Variants in DIP2C observed in about 807,000 individuals in gnomAD.
DIP2C encodes DIP2 acetate--CoA ligase C (putative), also known as disco-interacting protein 2 homolog C.
In DIP2C, 33 loss-of-function variants were observed where a neutral mutation model predicts 192.4. That is an observed-to-expected ratio of 0.17 (90% CI 0.13 to 0.23). The LOEUF is 0.23. DIP2C is among the 10% of genes least tolerant of loss of function. The probability of loss-of-function intolerance (pLI) is 1.00; values close to 1 mark genes in which losing one functional copy is unlikely to be tolerated. For synonymous variants in DIP2C, 979 were observed against 864.1 expected, an observed-to-expected ratio of 1.13 and a Z score of -2.33; for missense variants, 1,537 against 2,110.1, an observed-to-expected ratio of 0.73 and a Z score of 5.32.
intron 1 of DIP2C, among the ~76,000 whole-genome samples, chr10:580,359 A>AT (rs1448776886): frequency 6.6e-6 from 1 of 152,176 alleles, no homozygotes; most frequent in East Asian, 1.9e-4. Context: ...GCATGCTTAC[A>AT]GTGTGCACAC....
intron 17 of DIP2C, among the ~76,000 whole-genome samples, chr10:371,009 C>T (rs187925353): frequency 6.6e-6 from 1 of 152,162 alleles, no homozygotes; most frequent in East Asian, 1.9e-4. Flanking sequence ...AATAAGAAAA[C>T]CCACACGGAA....
At chr10:609,454 G>A (rs1053508034) in intron 1 of DIP2C, among the ~76,000 whole-genome samples, 83 of 152,176 alleles carry the variant, frequency 5.5e-4, no homozygotes, top group African/African-American at 1.7e-3. Context: ...TATCAGGGCT[G>A]ACTAACATTC....
intron 32 of DIP2C, among the ~76,000 whole-genome samples, chr10:288,808 G>A (rs537620661): frequency 1.3e-5 from 2 of 152,366 alleles, no homozygotes; most frequent in African/African-American, 2.4e-5. Context: ...TGTCCTGCGG[G>A]TGGAAGGCAG....
chr10:670,496 GTTCT>G (rs910731244), intron 1 of DIP2C, among the ~76,000 whole-genome samples: 2 of 152,200 alleles, frequency 1.3e-5, no homozygotes, highest in African/African-American at 2.4e-5. Flanking sequence ...TGAGATGGAT[GTTCT>G]GGAATGTTCC....
chr10:473,875 T>G (rs974715844), intron 2 of DIP2C, among the ~76,000 whole-genome samples: 1 of 152,226 alleles, frequency 6.6e-6, no homozygotes, highest in Non-Finnish European at 1.5e-5. Context: ...TTCCTTACTC[T>G]GGTGGTTTCT....
intron 10 of DIP2C, 71 bp from the exon 11 acceptor site, chr10:390,934 C>T (rs1963409994): frequency 6.3e-7 from 1 of 1,581,694 alleles, no homozygotes; most frequent in African/African-American, 1.3e-5. Flanking sequence ...GGCCCTCCCT[C>T]CAGCGTTCAC....
intron 3 of DIP2C, among the ~76,000 whole-genome samples, chr10:462,823 C>G (rs1305265830): frequency 6.6e-6 from 1 of 152,156 alleles, no homozygotes; most frequent in African/African-American, 2.4e-5. Context: ...CCACCATGAT[C>G]AAATAGGCTT....
At chr10:329,400 A>C in intron 30 of DIP2C, 33 bp downstream of exon 30, 1 of 1,592,012 alleles carries the variant, frequency 6.3e-7, no homozygotes, top group Non-Finnish European at 8.6e-7. Flanking sequence ...CTGTGGGCTC[A>C]CAGGGCACTG....
Position 419,067 on chromosome 10 carries a change from T to C in DIP2C, c.737A>G (p.Asp246Gly). ...YGNAELMETG[D>G]GVPVSSRVSA... ...CGCATCTCTCCTTTGGGACGTACCA[T>C]CCCCGGTCTCCATGAGCTCGGCGTT... Residue 246 changes from aspartate to glycine, a missense_variant and splice_region_variant, in exon 6 of 37, where the codon GAT (aspartate) becomes GGT (glycine). By Grantham distance (94) the Asp-to-Gly change is moderately conservative. This residue lies in a region of DIP2C where 473 missense variants were observed against 539.6 expected (regional missense o/e 0.88). Coordinates refer to ENST00000280886, the MANE Select transcript of DIP2C (RefSeq NM_014974.3). 4 of 1,614,202 alleles carry C rather than the reference T, an allele frequency of 2.5e-6. No individual in the cohort carries two copies. Among genetic ancestry groups the C allele is most frequent in the Non-Finnish European group, 3.4e-6 (4 of 1,180,032 alleles).
rs1831473650 is a variant in DIP2C at position 689,658 on chromosome 10, A to C, written c.-80T>G. The C allele has an allele frequency of 1.0e-6, 1 of 968,768 alleles. No homozygotes were observed. The highest frequency in any genetic ancestry group is 1.8e-5 in the African/African-American group (1 of 56,180). 60.0% of individuals were successfully genotyped at this position (968,768 alleles called of 1,614,324 possible). On this transcript the variant is annotated 5_prime_UTR_variant, in exon 1 of 37. Transcript: ENST00000280886. The surrounding 1 kb of genome is among the most constrained non-coding windows in gnomAD (Gnocchi z 6.1). ...TCGGCGGCTCCTCGCGCCCGGCGGA[A>C]CCGCACCGAGGAGGAGGCGGCGGCG...
intron 1 of DIP2C, chr10:630,411 G>C (rs773361154): frequency 6.6e-6 from 1 of 152,158 alleles, no homozygotes; most frequent in Non-Finnish European, 1.5e-5. Flanking sequence ...TAATTATACA[G>C]ACTGGCAATT....
chr10:324,511 T>C (rs1223834783), intron 31 of DIP2C: 1 of 155,214 alleles, frequency 6.4e-6, no homozygotes, highest in African/African-American at 2.4e-5. Context: ...TCCAACTATT[T>C]TCCAATACTA....
At position 564,077 on chromosome 10, in the gene DIP2C, A is replaced by G. The variant is rs555712337; in HGVS notation, c.86-77547T>C. ...GAAGTGGAATCTGCTAAGATGTGTC[A>G]TAACTAATCAGGTAAAAAATATGGA... On this transcript the variant is annotated intron_variant, in intron 1 of 36. Transcript: ENST00000280886. Among the ~76,000 whole-genome samples the G allele has an allele frequency of 2.2e-3, 341 of 152,386 alleles. 1 individual carries two copies. Among genetic ancestry groups the G allele is most frequent in the Middle Eastern group, 0.01 (3 of 294 alleles).
chr10:689,565 C>T lies in DIP2C; in HGVS notation c.14G>A (p.Ser5Asn), dbSNP rs756203269. 2.7e-5 allele frequency: 33 copies of T among 1,241,476 alleles called. No homozygotes were observed. In the Admixed American group the frequency reaches 9.8e-4, roughly 37 times the overall value. The allele number at this position is 1,241,476 out of a possible 1,614,324, so 76.9% of individuals were successfully genotyped here. ...CAGGGGCAGCGCCATGCCCTCCAGGCTGCGGTCCGCCATGCTCCGCGGGCG... is the reference window on the plus strand; with the variant it reads ...CAGGGGCAGCGCCATGCCCTCCAGGTTGCGGTCCGCCATGCTCCGCGGGCG... The part of the protein sequence containing the change: MADR[S>N]LEGMALPLEV... Residue 5 changes from serine (S) to asparagine (N), a missense_variant, in exon 1 of 37, where the codon AGC becomes AAC. By Grantham distance (46) the Ser-to-Asn change is conservative. Coordinates refer to ENST00000280886, the MANE Select transcript of DIP2C (RefSeq NM_014974.3). This position sits in a 1 kb window ranked among gnomAD's most constrained non-coding sequence, Gnocchi z 6.1.
At chr10:537,175 A>G (rs1382458998) in intron 1 of DIP2C, among the ~76,000 whole-genome samples, 2 of 152,050 alleles carry the variant, frequency 1.3e-5, no homozygotes, top group Non-Finnish European at 2.9e-5. Flanking sequence ...AGGCCGTATG[A>G]AGGAGGGCGT....
rs550012671 is a variant in DIP2C, at chr10:419,931, G to A, written c.605-732C>T. Among the ~76,000 whole-genome samples the A allele has an allele frequency of 2.0e-3, 301 of 152,300 alleles. 1 individual carries two copies. The highest frequency in any genetic ancestry group is 0.01 in the Middle Eastern group (3 of 294). On this transcript the variant is annotated intron_variant, in intron 5 of 36. Transcript: ENST00000280886. Reference sequence around the variant, plus strand: ...TACGTGGCTGAATGGGGAAAAGCATGCTTTTCTATTTAATGAATAACGCAT... The same window carrying A: ...TACGTGGCTGAATGGGGAAAAGCATACTTTTCTATTTAATGAATAACGCAT...
chr10:533,815 TCCTCAACC>T (rs1323125449), intron 1 of DIP2C, among the ~76,000 whole-genome samples: 1 of 152,000 alleles, frequency 6.6e-6, no homozygotes, highest in Non-Finnish European at 1.5e-5. Flanking sequence ...CACAGATGTG[TCCTCAACC>T]CTCCTGAGGC....
chr10:369,627 C>T lies in DIP2C; in HGVS notation c.1998G>A (p.Thr666=), dbSNP rs577655017. 6.4e-5 allele frequency: 104 copies of T among 1,614,052 alleles called. No homozygotes were observed. The East Asian group carries it at 1.5e-3, about 23-fold the overall frequency. ...EALTVAIRRP[T]DDSNQPPGRG... ...GGCCCGGGGGCTGGTTACTGTCATC[C>T]GTGGGCCTGTAATGACAGTTTTTAA... The change falls in exon 18 of 37, where the codon ACG becomes ACA. Residue 666 remains threonine (T), a synonymous_variant. Transcript: ENST00000280886.
At chr10:572,414 C>T (rs1849880515) in intron 1 of DIP2C, among the ~76,000 whole-genome samples, 1 of 152,188 alleles carries the variant, frequency 6.6e-6, no homozygotes, top group Admixed American at 6.5e-5. Flanking sequence ...CACGGGGTCC[C>T]CATTCCAGCC....
Sources: gnomAD v4.1 joint callset for allele counts (sites outside exome capture counted in the v4.1 genomes callset) on GRCh38, gnomAD v4.1.1 for gene constraint, gnomAD v4.1.1 regional missense constraint, Gnocchi (gnomAD v3.1) non-coding constraint, MANE v1.5 for transcripts, NCBI Gene and HGNC (gene_info 2026-07-23, HGNC 2026-07-21) for gene names.